BABAM2: variants seen among roughly 807,000 people sequenced by gnomAD.
BABAM2 encodes BRISC and BRCA1-A complex member 2.
A neutral mutation model predicts 54.7 loss-of-function variants in BABAM2; 31 were observed. The ratio of observed to expected loss-of-function variants is 0.57; its 90% CI spans 0.43 to 0.77. BABAM2 has a LOEUF of 0.77. BABAM2 is among the 30% of genes least tolerant of loss of function. The pLI, the probability that BABAM2 is intolerant of heterozygous loss-of-function variation, is 0.00. For missense variants in BABAM2, 364 were observed against 455.8 expected (o/e 0.80, Z 1.83); for synonymous variants, 167 against 162.9 (o/e 1.03, Z -0.19).
intron 6 of BABAM2, among the ~76,000 whole-genome samples, chr2:28,112,576 A>G (rs1668231604): frequency 6.6e-6 from 1 of 152,104 alleles, no homozygotes; most frequent in African/African-American, 2.4e-5. Flanking sequence ...TATGATGTAT[A>G]TATGCCATAT....
chr2:28,214,408 C>T (rs567426748), intron 7 of BABAM2, among the ~76,000 whole-genome samples: 6 of 152,054 alleles, frequency 3.9e-5, no homozygotes, highest in South Asian at 2.1e-4. Flanking sequence ...TATAGTAATA[C>T]GATTAACTTT....
At position 28,244,775 on chromosome 2, in the gene BABAM2, C is replaced by T; in HGVS notation, c.852-5C>T. The T allele has an allele frequency of 6.2e-7, 1 of 1,612,066 alleles. No individual in the cohort carries two copies. The highest frequency in any genetic ancestry group is 1.3e-5 in the African/African-American group (1 of 74,898). On this transcript the variant is annotated splice_polypyrimidine_tract_variant and splice_region_variant and intron_variant, in intron 9 of 11. Coordinates refer to ENST00000379624, the MANE Select transcript of BABAM2 (RefSeq NM_199191.3). ...TGTTTGTGTGTGTATGTTTTTATTA[C>T]TTAGAGGTGTCGTGGAATATGATGC...
At chr2:27,942,111 T>C (rs372585606) in intron 3 of BABAM2, among the ~76,000 whole-genome samples, 9 of 152,298 alleles carry the variant, frequency 5.9e-5, no homozygotes, top group African/African-American at 2.2e-4. Context: ...TTGTTCTAGC[T>C]AATCAGCTTA....
intron 5 of BABAM2, among the ~76,000 whole-genome samples, chr2:28,032,080 GT>G (rs961877722): frequency 6.6e-6 from 1 of 152,094 alleles, no homozygotes; most frequent in East Asian, 1.9e-4. Flanking sequence ...AAGTATTTTA[GT>G]TTTTTCTGGT....
intron 7 of BABAM2, among the ~76,000 whole-genome samples, chr2:28,194,575 CTTTTTTTT>C (rs10684650): frequency 6.0e-5 from 6 of 99,198 alleles, no homozygotes; most frequent in Non-Finnish European, 1.1e-4. Flanking sequence ...ACAACGTAGA[CTTTTTTTT>C]TTTTTTTTTT....
chr2:28,261,813 C>T (rs978419779), intron 10 of BABAM2, among the ~76,000 whole-genome samples: 4 of 146,808 alleles, frequency 2.7e-5, no homozygotes, highest in African/African-American at 1.0e-4. Flanking sequence ...CCAGTGGCCT[C>T]CAGACCTGAC....
intron 5 of BABAM2, among the ~76,000 whole-genome samples, chr2:28,038,707 A>G (rs146603561): frequency 6.2e-4 from 95 of 152,324 alleles, no homozygotes; most frequent in African/African-American, 1.8e-3. Context: ...TGCAGAGGAC[A>G]TGATTTTGTT....
intron 3 of BABAM2, among the ~76,000 whole-genome samples, chr2:27,969,135 A>G (rs983969063): frequency 4.6e-5 from 7 of 152,260 alleles, no homozygotes; most frequent in African/African-American, 1.7e-4. Flanking sequence ...GTTTCCCTGC[A>G]CAAGCTCTCT....
chr2:28,109,130 G>T (rs1667771386), intron 6 of BABAM2, among the ~76,000 whole-genome samples: 1 of 151,794 alleles, frequency 6.6e-6, no homozygotes, highest in African/African-American at 2.4e-5. Flanking sequence ...TGGGGACCAA[G>T]GGCTTACACA....
chr2:28,265,264 C>T (rs1425325678), intron 10 of BABAM2, among the ~76,000 whole-genome samples: 4 of 151,990 alleles, frequency 2.6e-5, no homozygotes, highest in African/African-American at 4.8e-5. Context: ...GGCAAAACCC[C>T]GTCTCTACAA....
intron 3 of BABAM2, among the ~76,000 whole-genome samples, chr2:27,957,338 G>T (rs978004159): frequency 5.3e-5 from 8 of 152,128 alleles, no homozygotes; most frequent in African/African-American, 1.9e-4. Flanking sequence ...TACAGTATTT[G>T]ATGGCCTCCA....
At chr2:28,047,906 C>T (rs887033045) in intron 6 of BABAM2, among the ~76,000 whole-genome samples, 1 of 152,174 alleles carries the variant, frequency 6.6e-6, no homozygotes, top group African/African-American at 2.4e-5. Flanking sequence ...ATCCAGAATA[C>T]TTGTTGAGGG....
chr2:28,082,955 A>G (rs966373450), intron 6 of BABAM2, among the ~76,000 whole-genome samples: 11 of 151,938 alleles, frequency 7.2e-5, no homozygotes, highest in Non-Finnish European at 1.5e-4. Flanking sequence ...TCAACCCTAG[A>G]CTCATTCCCA....
intron 10 of BABAM2, among the ~76,000 whole-genome samples, chr2:28,258,201 A>G (rs1453449099): frequency 6.6e-6 from 1 of 152,104 alleles, no homozygotes; most frequent in Admixed American, 6.6e-5. Flanking sequence ...AATAAATAAA[A>G]AGGAAAGGAA....
intron 3 of BABAM2, among the ~76,000 whole-genome samples, chr2:27,936,189 G>A (rs919289391): frequency 6.6e-5 from 10 of 152,100 alleles, no homozygotes; most frequent in Non-Finnish European, 1.5e-4. Flanking sequence ...CAAAGTGCTG[G>A]GATTACAGGA....
chr2:28,253,011 A>T (rs1169964830), intron 10 of BABAM2, among the ~76,000 whole-genome samples: 2 of 152,202 alleles, frequency 1.3e-5, no homozygotes, highest in Non-Finnish European at 2.9e-5. Flanking sequence ...CTTAGAATTA[A>T]TATTAAAGTA....
intron 7 of BABAM2, among the ~76,000 whole-genome samples, chr2:28,234,858 G>A (rs540298736): frequency 6.6e-6 from 1 of 152,316 alleles, no homozygotes; most frequent in South Asian, 2.1e-4. Context: ...CCTTCCTCTT[G>A]TTTATAGGAA....
At chr2:28,323,095 C>G (rs539283005) in intron 11 of BABAM2, among the ~76,000 whole-genome samples, 113 of 152,354 alleles carry the variant, frequency 7.4e-4, no homozygotes, top group Middle Eastern at 3.4e-3. Context: ...ACGCAGCTCT[C>G]TCTGCTCTGG....
intron 3 of BABAM2, among the ~76,000 whole-genome samples, chr2:27,962,251 G>A (rs1021543254): frequency 6.6e-6 from 1 of 152,088 alleles, no homozygotes; most frequent in African/African-American, 2.4e-5. Flanking sequence ...GATTACTGGT[G>A]TAAGCCACTG....
Sources: allele counts gnomAD v4.1 joint callset (sites outside exome capture counted in the v4.1 genomes callset), GRCh38; gene constraint gnomAD v4.1.1; transcripts MANE v1.5; gene names NCBI Gene and HGNC (gene_info 2026-07-23, HGNC 2026-07-21).